The following DNAAF9 variants were observed in gnomAD, a reference collection of about 807,000 sequenced individuals.
DNAAF9 encodes the protein shulin.
DNAAF9 carries 90 observed loss-of-function variants against 167.0 expected under a neutral mutation model. That is an observed-to-expected ratio of 0.54 (90% CI 0.45 to 0.64). The LOEUF (loss-of-function observed/expected upper bound fraction) is 0.64. Among genes scored for constraint, DNAAF9 ranks in the 30% least tolerant of loss-of-function variants. The pLI, the probability that DNAAF9 is intolerant of heterozygous loss-of-function variation, is 0.00. For missense variants in DNAAF9, 1,315 were observed against 1,442.2 expected (o/e 0.91, Z 1.43); for synonymous variants, 491 against 508.8 (o/e 0.96, Z 0.47).
At chr20:3,355,631 T>G (rs1052363882) in intron 7 of DNAAF9, among the ~76,000 whole-genome samples, 1 of 152,136 alleles carries the variant, frequency 6.6e-6, no homozygotes, top group African/African-American at 2.4e-5. Flanking sequence ...AATGCCTTTT[T>G]TTAGCATCTA....
chr20:3,296,437 G>A, intron 23 of DNAAF9: 1 of 313,300 alleles, frequency 3.2e-6, no homozygotes, highest in South Asian at 3.1e-5. Context: ...AAGTGCAATG[G>A]CATGGTCACG....
At chr20:3,283,000 T>G (rs907080244) in intron 27 of DNAAF9, among the ~76,000 whole-genome samples, 2 of 152,330 alleles carry the variant, frequency 1.3e-5, no homozygotes, top group African/African-American at 2.4e-5. Context: ...GTCTCCATAA[T>G]AAGAATGTCA....
At chr20:3,381,279 C>T in intron 3 of DNAAF9, 100 bp downstream of exon 3, 1 of 992,078 alleles carries the variant, frequency 1.0e-6, no homozygotes, top group Non-Finnish European at 1.4e-6. Context: ...GGGCTTTGGA[C>T]TATTTTAAAT....
intron 10 of DNAAF9, 61 bp downstream of exon 10, chr20:3,340,440 ACCC>A: frequency 8.1e-6 from 1 of 124,212 alleles, no homozygotes; most frequent in Non-Finnish European, 1.7e-5. Context: ...AGCTCCCCCC[ACCC>A]ACCCCACCCC....
At chr20:3,267,534 C>T (rs1030134345) in intron 30 of DNAAF9, among the ~76,000 whole-genome samples, 23 of 152,072 alleles carry the variant, frequency 1.5e-4, no homozygotes, top group African/African-American at 5.6e-4. Context: ...AGGAAATATA[C>T]ATTTTTAAAA....
chr20:3,267,609 T>A (rs550185859), intron 30 of DNAAF9, among the ~76,000 whole-genome samples: 3 of 152,068 alleles, frequency 2.0e-5, no homozygotes, highest in African/African-American at 7.2e-5. Context: ...CCGAGGTGGG[T>A]GGATCACTTG....
intron 30 of DNAAF9, among the ~76,000 whole-genome samples, chr20:3,265,121 C>T (rs996490306): frequency 6.6e-6 from 1 of 152,122 alleles, no homozygotes. Flanking sequence ...AGAACCTCAG[C>T]CCCCAGCCCA....
At chr20:3,296,250 C>CA in intron 23 of DNAAF9, 1 of 457,110 alleles carries the variant, frequency 2.2e-6, no homozygotes, top group South Asian at 1.7e-5. Flanking sequence ...CCCGGGGTGA[C>CA]AGAGTAAGAC....
intron 27 of DNAAF9, 106 bp from the exon 28 acceptor site, chr20:3,281,872 A>ATTTTTT: frequency 8.7e-7 from 1 of 1,155,052 alleles, no homozygotes; most frequent in Admixed American, 2.3e-5. Context: ...AAGAAAACCA[A>ATTTTTT]AAGGAAGAGC....
chr20:3,303,656 T>C (rs1219830773), intron 21 of DNAAF9, among the ~76,000 whole-genome samples: 3 of 152,216 alleles, frequency 2.0e-5, no homozygotes, highest in Admixed American at 6.5e-5. Context: ...CAGAATTCGT[T>C]TTCTGAGCCA....
Position 3,304,474 on chromosome 20 carries a change from T to G in DNAAF9, c.1748A>C (p.Lys583Thr), listed in dbSNP as rs1403669476. The change falls in exon 21 of 37, where the codon AAG (lysine) becomes ACG (threonine). Residue 583 changes from lysine (K) to threonine (T), a missense_variant. By Grantham distance (78) the Lys-to-Thr change is moderately conservative. This residue lies in a region of DNAAF9 where 981 missense variants were observed against 1,012.5 expected (regional missense o/e 0.97). Transcript: ENST00000252032. ...HCRHRSIIISKDHMNSISFYD... is the reference protein window; with the variant it reads ...HCRHRSIIISTDHMNSISFYD... Reference sequence around the variant, plus strand: ...GAAGGAAATGGAATTCATGTGATCCTTGGAAATGATGATACTTCTATGACG... The same window carrying G: ...GAAGGAAATGGAATTCATGTGATCCGTGGAAATGATGATACTTCTATGACG... The G allele has an allele frequency of 6.6e-7, 1 of 1,514,528 alleles. No homozygotes were observed. The highest frequency in any genetic ancestry group is 1.7e-5 in the Admixed American group (1 of 59,786). 93.8% of individuals were successfully genotyped at this position (1,514,528 alleles called of 1,614,324 possible). A position where few individuals can be genotyped will look rare whatever the true frequency, so the allele number is the denominator to read the frequency against.
chr20:3,375,269 C>CT, intron 4 of DNAAF9, 143 bp from the exon 5 acceptor site: 2 of 599,648 alleles, frequency 3.3e-6, no homozygotes, highest in Non-Finnish European at 5.9e-6. Context: ...CAAAGCCAAC[C>CT]TTTTTCATTT....
chr20:3,381,172 TTAGTAAATA>T (rs1478558243), intron 3 of DNAAF9, among the ~76,000 whole-genome samples, 198 bp downstream of exon 3: 2 of 152,242 alleles, frequency 1.3e-5, no homozygotes, highest in Non-Finnish European at 2.9e-5. Flanking sequence ...TAAAGCTGAA[TTAGTAAATA>T]TACTCTGAAA....
intron 12 of DNAAF9, among the ~76,000 whole-genome samples, chr20:3,327,581 G>A (rs549208348): frequency 6.6e-6 from 1 of 151,870 alleles, no homozygotes; most frequent in Non-Finnish European, 1.5e-5. Flanking sequence ...TCTTGTAAAG[G>A]AATCAGGTAA....
chr20:3,257,068 T>C (rs369558536), intron 33 of DNAAF9, among the ~76,000 whole-genome samples: 1 of 151,532 alleles, frequency 6.6e-6, no homozygotes, highest in South Asian at 2.1e-4. Flanking sequence ...CAGATGAGAA[T>C]GGGAAAAAGT....
intron 29 of DNAAF9, among the ~76,000 whole-genome samples, chr20:3,273,570 C>T (rs1295179466): frequency 6.8e-6 from 1 of 147,528 alleles, no homozygotes; most frequent in Non-Finnish European, 1.5e-5. Context: ...GGAGGTGCCA[C>T]ACTCCTTTAA....
intron 20 of DNAAF9, among the ~76,000 whole-genome samples, chr20:3,311,005 T>C (rs1015935624): frequency 6.6e-6 from 1 of 152,150 alleles, no homozygotes; most frequent in Non-Finnish European, 1.5e-5. Context: ...AAAAAAGCCA[T>C]ATGTGGGCTC....
chr20:3,342,068 T>C (rs1342282159), intron 9 of DNAAF9, among the ~76,000 whole-genome samples: 3 of 152,206 alleles, frequency 2.0e-5, no homozygotes, highest in Non-Finnish European at 4.4e-5. Flanking sequence ...GCCAATTTAC[T>C]GCCTTTATGT....
At chr20:3,326,137 G>T in intron 13 of DNAAF9, 60 bp downstream of exon 13, 2 of 1,248,124 alleles carry the variant, frequency 1.6e-6, no homozygotes, top group South Asian at 1.2e-5. Flanking sequence ...GAAACACATG[G>T]ATAGAATGTT....
Sources: gnomAD v4.1 joint callset for allele counts (sites outside exome capture counted in the v4.1 genomes callset) on GRCh38, gnomAD v4.1.1 for gene constraint, gnomAD v4.1.1 regional missense constraint, MANE v1.5 for transcripts, NCBI Gene and HGNC (gene_info 2026-07-23, HGNC 2026-07-21) for gene names.